Variants in GABRB1 observed in about 807,000 individuals in gnomAD.
GABRB1 encodes gamma-aminobutyric acid type A receptor subunit beta1.
GABRB1 carries 17 observed loss-of-function variants against 51.6 expected under a neutral mutation model. The ratio of observed to expected loss-of-function variants is 0.33; its 90% CI spans 0.23 to 0.49. GABRB1 has a LOEUF of 0.49. GABRB1 is among the 20% of genes least tolerant of loss of function. The pLI is 0.99. For synonymous variants in GABRB1, 247 were observed against 218.9 expected, an observed-to-expected ratio of 1.13 and a Z score of -1.14; for missense variants, 410 against 600.6, an observed-to-expected ratio of 0.68 and a Z score of 3.32.
upstream of GABRB1, among the ~76,000 whole-genome samples, chr4:47,027,625 A>G: frequency 6.6e-6 from 1 of 151,676 alleles, no homozygotes; most frequent in East Asian, 1.9e-4. Context: ...ATTCCTATTA[A>G]CACAGGTTAA....
chr4:47,070,911 T>A (rs1395017791), intron 3 of GABRB1, among the ~76,000 whole-genome samples: 1 of 152,216 alleles, frequency 6.6e-6, no homozygotes, highest in Non-Finnish European at 1.5e-5. Context: ...AGACTCTTCA[T>A]ATAACTATCT....
At chr4:47,128,009 A>C (rs1445328954) in intron 3 of GABRB1, among the ~76,000 whole-genome samples, 2 of 151,768 alleles carry the variant, frequency 1.3e-5, no homozygotes, top group Non-Finnish European at 3.0e-5. Context: ...TTTACAACTA[A>C]GAAAGTCATT....
Position 47,138,046 on chromosome 4 carries a change from G to A in GABRB1, c.241-23203G>A, listed in dbSNP as rs988734740. 5.9e-5 allele frequency among the ~76,000 whole-genome samples: 9 copies of A among 152,192 alleles called. No individual in the cohort carries two copies. The South Asian group carries it at 1.9e-3, about 32-fold the overall frequency. ...ATTGAAAGCCTCCTGTAACATAGCAGTGTTTTGTTGATATGTATTCAAGAT... is the reference window on the plus strand; with the variant it reads ...ATTGAAAGCCTCCTGTAACATAGCAATGTTTTGTTGATATGTATTCAAGAT... On this transcript the variant is annotated intron_variant, in intron 3 of 8. Transcript: ENST00000295454.
At chr4:47,372,726 G>C (rs1477273336) in intron 5 of GABRB1, among the ~76,000 whole-genome samples, 1 of 152,144 alleles carries the variant, frequency 6.6e-6, no homozygotes, top group Non-Finnish European at 1.5e-5. Flanking sequence ...AGATGTCGAT[G>C]CTTCCCCAGC....
chr4:47,153,898 C>G (rs1196809657), intron 3 of GABRB1, among the ~76,000 whole-genome samples: 1 of 151,774 alleles, frequency 6.6e-6, no homozygotes, highest in Non-Finnish European at 1.5e-5. Context: ...TGGGAAAAAT[C>G]AATAATAAAT....
chr4:47,118,717 T>C (rs1250163126), intron 3 of GABRB1, among the ~76,000 whole-genome samples: 4 of 152,096 alleles, frequency 2.6e-5, no homozygotes, highest in African/African-American at 9.7e-5. Flanking sequence ...CATCCTAATA[T>C]ATACATACAT....
intron 3 of GABRB1, among the ~76,000 whole-genome samples, chr4:47,067,298 G>A (rs1354338261): frequency 6.6e-6 from 1 of 152,180 alleles, no homozygotes; most frequent in Non-Finnish European, 1.5e-5. Context: ...TGGTAAATAA[G>A]CATTGGCTTC....
chr4:47,096,027 G>C (rs1471473086), intron 3 of GABRB1, among the ~76,000 whole-genome samples: 2 of 152,042 alleles, frequency 1.3e-5, no homozygotes, highest in East Asian at 3.9e-4. Context: ...AAGGACTTTT[G>C]TCATGGAGTT....
intron 4 of GABRB1, among the ~76,000 whole-genome samples, chr4:47,246,144 A>T (rs1310360751): frequency 2.7e-5 from 4 of 148,816 alleles, no homozygotes; most frequent in Non-Finnish European, 6.0e-5. Context: ...TAGCTCCTAC[A>T]TATCAGTGAG....
chr4:47,369,452 C>A (rs960456854), intron 5 of GABRB1, among the ~76,000 whole-genome samples: 2 of 152,104 alleles, frequency 1.3e-5, no homozygotes, highest in East Asian at 3.9e-4. Context: ...CACACACACA[C>A]ACACACACAC....
At chr4:47,314,013 A>T (rs1445821930) in intron 4 of GABRB1, among the ~76,000 whole-genome samples, 1 of 152,064 alleles carries the variant, frequency 6.6e-6, no homozygotes, top group Admixed American at 6.6e-5. Flanking sequence ...AGGAAATCAG[A>T]TGACTTTTTA....
At chr4:47,009,596 G>C (rs1724530838) in intron 1 of GABRB1, among the ~76,000 whole-genome samples, 1 of 152,164 alleles carries the variant, frequency 6.6e-6, no homozygotes, top group Non-Finnish European at 1.5e-5. Flanking sequence ...TTGACAAGAG[G>C]CCTCTGGTTA....
intron 4 of GABRB1, among the ~76,000 whole-genome samples, chr4:47,254,144 A>G (rs1722089039): frequency 6.6e-6 from 1 of 152,126 alleles, no homozygotes; most frequent in African/African-American, 2.4e-5. Flanking sequence ...CCCACTACAC[A>G]CAATCAAGAA....
chr4:47,069,964 G>GT (rs1727250658), intron 3 of GABRB1, among the ~76,000 whole-genome samples: 1 of 151,542 alleles, frequency 6.6e-6, no homozygotes, highest in South Asian at 2.1e-4. Context: ...ACCCCTAATG[G>GT]TCATTCTCAG....
At chr4:47,334,548 G>A (rs572139013) in intron 5 of GABRB1, among the ~76,000 whole-genome samples, 2 of 151,948 alleles carry the variant, frequency 1.3e-5, no homozygotes, top group South Asian at 2.1e-4. Context: ...TCCTAAACCC[G>A]CATTAAAAAT....
chr4:47,082,803 A>C (rs1461997290), intron 3 of GABRB1, among the ~76,000 whole-genome samples: 2 of 152,114 alleles, frequency 1.3e-5, no homozygotes, highest in Non-Finnish European at 2.9e-5. Flanking sequence ...TAAATAACTG[A>C]GAATATCTAG....
chr4:47,175,470 C>A (rs1718654884), intron 4 of GABRB1, among the ~76,000 whole-genome samples: 1 of 152,134 alleles, frequency 6.6e-6, no homozygotes, highest in Non-Finnish European at 1.5e-5. Context: ...TTTTAAATCT[C>A]AACTTAGAAA....
chr4:47,412,631 C>G (rs141820078), intron 8 of GABRB1, among the ~76,000 whole-genome samples: 3 of 152,204 alleles, frequency 2.0e-5, no homozygotes, highest in Non-Finnish European at 2.9e-5. Flanking sequence ...TTCATTGTCT[C>G]AACGCCAAGG....
At chr4:47,041,105 T>G (rs1725818003) in intron 3 of GABRB1, among the ~76,000 whole-genome samples, 1 of 152,092 alleles carries the variant, frequency 6.6e-6, no homozygotes, top group African/African-American at 2.4e-5. Context: ...TGTGAGTTCT[T>G]GTAGAAAGTG....
Sources: gnomAD v4.1 joint callset for allele counts (sites outside exome capture counted in the v4.1 genomes callset) on GRCh38, gnomAD v4.1.1 for gene constraint, MANE v1.5 for transcripts, NCBI Gene and HGNC (gene_info 2026-07-23, HGNC 2026-07-21) for gene names.